TTL: variants seen among roughly 807,000 people sequenced by gnomAD.
TTL encodes the protein tubulin tyrosine ligase, also known as tubulin--tyrosine ligase.
TTL carries 10 observed loss-of-function variants against 41.1 expected under a neutral mutation model. That is an observed-to-expected ratio of 0.24 (90% CI 0.15 to 0.41). The LOEUF (loss-of-function observed/expected upper bound fraction) is 0.41, where lower values mean the gene tolerates loss of function less well. Ranked by LOEUF, TTL falls within the 10% of genes least tolerant of loss-of-function variation. The pLI is 1.00. For missense variants in TTL, 367 were observed against 460.4 expected, an observed-to-expected ratio of 0.80 and a Z score of 1.86; for synonymous variants, 175 against 175.5, an observed-to-expected ratio of 1.00 and a Z score of 0.02.
At chr2:112,511,208 C>T (rs1342032668) in intron 5 of TTL, among the ~76,000 whole-genome samples, 1 of 151,678 alleles carries the variant, frequency 6.6e-6, no homozygotes, top group Non-Finnish European at 1.5e-5. Flanking sequence ...AGGGTTTTGC[C>T]CTGTTGCCCA....
chr2:112,526,116 T>C (rs1028370140), intron 6 of TTL, among the ~76,000 whole-genome samples: 1 of 152,230 alleles, frequency 6.6e-6, no homozygotes, highest in Non-Finnish European at 1.5e-5. Context: ...TGAACCAGCC[T>C]TGCATCCCAG....
rs1320688115 is a variant in TTL, at chr2:112,535,406, G to A, written c.*6611G>A. Reference sequence around the variant, plus strand: ...TAAAACATATACTGGAAGAAATAGTGGCCAAAACCTTTCCCACTTTGAGGA... The same window carrying A: ...TAAAACATATACTGGAAGAAATAGTAGCCAAAACCTTTCCCACTTTGAGGA... On this transcript the variant is annotated 3_prime_UTR_variant, in exon 7 of 7. Coordinates refer to ENST00000233336, the MANE Select transcript of TTL (RefSeq NM_153712.5). 6.6e-6 allele frequency: 1 copy of A among 152,076 alleles called. No homozygotes were observed. The highest frequency in any genetic ancestry group is 1.5e-5 in the Non-Finnish European group (1 of 68,022). The allele number at this position is 152,076 out of a possible 1,614,324, so 9.4% of individuals were successfully genotyped here. A position where few individuals can be genotyped will look rare whatever the true frequency, so the allele number is the denominator to read the frequency against.
intron 3 of TTL, among the ~76,000 whole-genome samples, chr2:112,497,869 C>T (rs930600321): frequency 3.3e-5 from 5 of 152,164 alleles, no homozygotes; most frequent in African/African-American, 4.8e-5. Flanking sequence ...GAAACCACAA[C>T]GAACTGTCAC....
In TTL at chr2:112,515,331, A is replaced by G. The variant is rs115387474; in HGVS notation, c.876-4951A>G. On this transcript the variant is annotated intron_variant, in intron 5 of 6. Coordinates refer to ENST00000233336, the MANE Select transcript of TTL (RefSeq NM_153712.5). Reference sequence around the variant, plus strand: ...AGAATATGCAACAGAGGTGGTACATATCCTGTAAAACCTAATATATTTACT... The same window carrying G: ...AGAATATGCAACAGAGGTGGTACATGTCCTGTAAAACCTAATATATTTACT... Among the ~76,000 whole-genome samples, 1,225 of 152,338 alleles carry G rather than the reference A, an allele frequency of 8.0e-3. 4 individuals carry two copies. Among genetic ancestry groups the G allele is most frequent in the Non-Finnish European group, 0.013 (871 of 68,026 alleles).
In TTL at chr2:112,535,963, C is replaced by G. The variant is rs1044544504; in HGVS notation, c.*7168C>G. ...GGAACTATAGGTGCCTGCCACCATA[C>G]TTGGCTAATTTAAAACAATTTTTTT... is the stretch of plus-strand genomic sequence containing the variant. On this transcript the variant is annotated 3_prime_UTR_variant, in exon 7 of 7. Coordinates refer to ENST00000233336, the MANE Select transcript of TTL (RefSeq NM_153712.5). 6.6e-6 allele frequency: 1 copy of G among 152,126 alleles called. No individual in the cohort carries two copies. Among genetic ancestry groups the G allele is most frequent in the East Asian group, 1.9e-4 (1 of 5,204 alleles). 9.4% of individuals were successfully genotyped at this position (152,126 alleles called of 1,614,324 possible).
In TTL at chr2:112,536,610, G is replaced by A. The variant is rs1294820330; in HGVS notation, c.*7815G>A. On this transcript the variant is annotated 3_prime_UTR_variant, in exon 7 of 7. Coordinates refer to ENST00000233336, the MANE Select transcript of TTL (RefSeq NM_153712.5). ...TTTGTTACATGGGTCCTGAGGTTGG[G>A]GTACAGATCCCATTACCCAAGTAGT... 1 of 151,978 alleles carries A rather than the reference G, an allele frequency of 6.6e-6. No homozygotes were observed. Among genetic ancestry groups the A allele is most frequent in the Non-Finnish European group, 1.5e-5 (1 of 67,988 alleles). 9.4% of individuals were successfully genotyped at this position (151,978 alleles called of 1,614,324 possible). A position where few individuals can be genotyped will look rare whatever the true frequency, so the allele number is the denominator to read the frequency against.
chr2:112,492,238 G>A (rs1487230828), intron 2 of TTL, among the ~76,000 whole-genome samples: 1 of 152,192 alleles, frequency 6.6e-6, no homozygotes, highest in East Asian at 1.9e-4. Context: ...TATCAATAAA[G>A]TTGTGCTTAA....
At position 112,531,065 on chromosome 2, in the gene TTL, G is replaced by A. The variant is rs188689379; in HGVS notation, c.*2270G>A. 1.1e-3 allele frequency: 225 copies of A among 203,498 alleles called. 1 individual carries two copies. The highest frequency in any genetic ancestry group is 4.8e-3 in the African/African-American group (211 of 43,736). 12.6% of individuals were successfully genotyped at this position (203,498 alleles called of 1,614,324 possible). ...TGTAATCATAGCACACTGCAGCCTC[G>A]AATTTCTGGGCTTGAGCAGTCCTCC... On this transcript the variant is annotated 3_prime_UTR_variant, in exon 7 of 7. Coordinates refer to ENST00000233336, the MANE Select transcript of TTL (RefSeq NM_153712.5).
rs1000245041 is a variant in TTL, at chr2:112,529,036, A to G, written c.*241A>G. The G allele has an allele frequency of 2.7e-5, 15 of 550,044 alleles. No individual in the cohort carries two copies. The highest frequency in any genetic ancestry group is 4.9e-5 in the Non-Finnish European group (15 of 306,152). 34.1% of individuals were successfully genotyped at this position (550,044 alleles called of 1,614,324 possible). A position where few individuals can be genotyped will look rare whatever the true frequency, so the allele number is the denominator to read the frequency against. ...ACTTTTGAAAACAACTTTGGTACAC[A>G]AAGGCAGCTTTGTGAGCAGAGCTCC... On this transcript the variant is annotated 3_prime_UTR_variant, in exon 7 of 7. Transcript: ENST00000233336.
intron 6 of TTL, 114 bp downstream of exon 6, chr2:112,520,539 A>T (rs1328956058): frequency 7.1e-7 from 1 of 1,417,946 alleles, no homozygotes; most frequent in Non-Finnish European, 9.6e-7. Context: ...TGCCACAGTG[A>T]TAGGAGACCC....
chr2:112,528,811 G>C lies in TTL; in HGVS notation c.*16G>C, dbSNP rs201349610. The stretch of plus-strand genomic sequence containing the variant: ...CAAGCTGTGACAGAGGGCACTCCCT[G>C]CTGCCTTGGAAAAAGCACGGGGTCC... On this transcript the variant is annotated 3_prime_UTR_variant, in exon 7 of 7. Transcript: ENST00000233336. 7.3e-3 allele frequency: 11,738 copies of C among 1,604,376 alleles called. 65 individuals are homozygous for C. The highest frequency in any genetic ancestry group is 8.7e-3 in the Non-Finnish European group (10,204 of 1,171,284).
chr2:112,519,271 A>G (rs1308057034), intron 5 of TTL, among the ~76,000 whole-genome samples: 1 of 152,220 alleles, frequency 6.6e-6, no homozygotes, highest in Non-Finnish European at 1.5e-5. Flanking sequence ...CCTAGGTGCC[A>G]GGAGTTATGA....
intron 6 of TTL, among the ~76,000 whole-genome samples, chr2:112,525,135 G>T (rs938087654): frequency 2.0e-5 from 3 of 152,110 alleles, no homozygotes; most frequent in Non-Finnish European, 4.4e-5. Flanking sequence ...GCTCTGTTCT[G>T]TTCCATTGGT....
rs1300082364 is a variant in TTL, at chr2:112,531,316, T to A, written c.*2521T>A. 1 of 227,308 alleles carries A rather than the reference T, an allele frequency of 4.4e-6. No homozygotes were observed. The highest frequency in any genetic ancestry group is 8.8e-6 in the Non-Finnish European group (1 of 113,988). 14.1% of individuals were successfully genotyped at this position (227,308 alleles called of 1,614,324 possible). A position where few individuals can be genotyped will look rare whatever the true frequency, so the allele number is the denominator to read the frequency against. On this transcript the variant is annotated 3_prime_UTR_variant, in exon 7 of 7. Coordinates refer to ENST00000233336, the MANE Select transcript of TTL (RefSeq NM_153712.5). ...AGGAGTCATGGTTTATTTGGAAATGTCAGTTGCAATCATGGTTCTGTCATT... is the reference window on the plus strand; with the variant it reads ...AGGAGTCATGGTTTATTTGGAAATGACAGTTGCAATCATGGTTCTGTCATT...
chr2:112,516,461 G>A (rs970536595), intron 5 of TTL, among the ~76,000 whole-genome samples: 2 of 152,158 alleles, frequency 1.3e-5, no homozygotes, highest in Non-Finnish European at 1.5e-5. Context: ...GGATCACAAG[G>A]TCAGGAGTTC....
chr2:112,528,248 G>C (rs556704878), intron 6 of TTL, among the ~76,000 whole-genome samples: 1 of 152,242 alleles, frequency 6.6e-6, no homozygotes, highest in South Asian at 2.1e-4. Flanking sequence ...GTGGCAACCA[G>C]TTTTAGAAAT....
Position 112,535,014 on chromosome 2 carries a change from GGGAGGGAGGGAAA to G in TTL, c.*6232_*6244del, listed in dbSNP as rs1490585674. 4.7e-5 allele frequency: 7 copies of G among 149,452 alleles called. No individual in the cohort carries two copies. Among genetic ancestry groups the G allele is most frequent in the African/African-American group, 1.5e-4 (6 of 40,410 alleles). The allele number at this position is 149,452 out of a possible 1,614,324, so 9.3% of individuals were successfully genotyped here. Reference sequence around the variant, plus strand: ...GCAGGCAGAAAGAAGGAGAAAGGGAGGGAGGGAGGGAAAGGAGGGAGGGAAGAAAAGAGAAAGA... The same window carrying G: ...GCAGGCAGAAAGAAGGAGAAAGGGAGGGAGGGAGGGAAGAAAAGAGAAAGA... On this transcript the variant is annotated 3_prime_UTR_variant, in exon 7 of 7. Coordinates refer to ENST00000233336, the MANE Select transcript of TTL (RefSeq NM_153712.5).
At chr2:112,515,347 T>A (rs3849314) in intron 5 of TTL, among the ~76,000 whole-genome samples, 61,996 of 152,006 alleles carry the variant, frequency 0.41, 12,881 homozygotes, top group East Asian at 0.58. Context: ...TAAAACCTAA[T>A]ATATTTACTG....
chr2:112,501,665 C>T (rs1322688626), intron 4 of TTL, among the ~76,000 whole-genome samples: 1 of 151,804 alleles, frequency 6.6e-6, no homozygotes, highest in Non-Finnish European at 1.5e-5. Flanking sequence ...GTCAGGAGTT[C>T]GAGACCAGCC....
Sources: gnomAD v4.1 joint callset for allele counts (sites outside exome capture counted in the v4.1 genomes callset) on GRCh38, gnomAD v4.1.1 for gene constraint, MANE v1.5 for transcripts, NCBI Gene and HGNC (gene_info 2026-07-23, HGNC 2026-07-21) for gene names.